The following TRPM2 variants were observed in gnomAD, a reference collection of about 807,000 sequenced individuals.
TRPM2 encodes the protein estrogen-responsive element-associated gene 1 protein.
Under a neutral mutation model 174.0 loss-of-function variants are expected in TRPM2, and 161 were observed. The ratio of observed to expected loss-of-function variants is 0.93; its 90% CI spans 0.81 to 1.05. The LOEUF is 1.05. Ranked by LOEUF, TRPM2 falls within the 50% of genes least tolerant of loss-of-function variation. The probability of loss-of-function intolerance (pLI) is 0.00; values close to 1 mark genes in which losing one functional copy is unlikely to be tolerated. For missense variants in TRPM2, 2,057 were observed against 2,038.0 expected, an observed-to-expected ratio of 1.01 and a Z score of -0.18; for synonymous variants, 954 against 861.3, an observed-to-expected ratio of 1.11 and a Z score of -1.88.
chr21:44,379,322 G>A lies in TRPM2; in HGVS notation c.1215+125G>A. The A allele has an allele frequency of 3.4e-6, 4 of 1,171,786 alleles. No homozygotes were observed. In the South Asian group the frequency reaches 5.7e-5, roughly 17 times the overall value. 72.6% of individuals were successfully genotyped at this position (1,171,786 alleles called of 1,614,324 possible). On this transcript the variant is annotated intron_variant, in intron 8 of 31. Transcript: ENST00000397928. ...ACCCACTGGGTCTGAGTGGGTGCCA[G>A]AGCGATTTGCAGAGGGCAGGGCCCA...
intron 5 of TRPM2, among the ~76,000 whole-genome samples, chr21:44,370,778 C>T (rs1431213355): frequency 1.3e-5 from 2 of 152,216 alleles, no homozygotes; most frequent in African/African-American, 2.4e-5. Context: ...GCTTTGTTTG[C>T]TCTTTTTACG....
intron 16 of TRPM2, among the ~76,000 whole-genome samples, chr21:44,403,567 T>TATGTACACACATACATGCAC (rs2049710532): frequency 6.6e-6 from 1 of 150,492 alleles, no homozygotes; most frequent in Admixed American, 6.6e-5. Context: ...CATACATGCA[T>TATGTACACACATACATGCAC]ATGTACACAC....
intron 15 of TRPM2, among the ~76,000 whole-genome samples, chr21:44,401,174 C>T (rs1569066860): frequency 6.6e-6 from 1 of 152,188 alleles, no homozygotes. Context: ...TGATGGCCGC[C>T]TCTGCTCCCG....
intron 15 of TRPM2, among the ~76,000 whole-genome samples, chr21:44,401,265 G>A (rs1360356517): frequency 2.0e-5 from 3 of 152,210 alleles, no homozygotes; most frequent in Middle Eastern, 3.4e-3. Context: ...CATTGAGGAC[G>A]GCAAGGAAAG....
chr21:44,361,049 T>A (rs1263742410), intron 2 of TRPM2, among the ~76,000 whole-genome samples: 1 of 152,226 alleles, frequency 6.6e-6, no homozygotes, highest in Non-Finnish European at 1.5e-5. Context: ...ATTTCAAGGA[T>A]GTTACGTCAA....
At chr21:44,368,376 G>A (rs770211618) in intron 4 of TRPM2, among the ~76,000 whole-genome samples, 3 of 151,982 alleles carry the variant, frequency 2.0e-5, no homozygotes, top group Non-Finnish European at 4.4e-5. Context: ...CAAAGTGCTG[G>A]GATAACAGGC....
intron 27 of TRPM2, among the ~76,000 whole-genome samples, chr21:44,433,291 G>A (rs1436481564): frequency 6.6e-6 from 1 of 152,240 alleles, no homozygotes; most frequent in Non-Finnish European, 1.5e-5. Flanking sequence ...CTCATGCCAG[G>A]CAGAGCGTGT....
chr21:44,377,828 A>G (rs918346527), intron 7 of TRPM2, 55 bp downstream of exon 7: 3 of 1,595,288 alleles, frequency 1.9e-6, no homozygotes, highest in Non-Finnish European at 2.6e-6. Flanking sequence ...CTGCAGGCAG[A>G]TGACTGTCCA....
chr21:44,436,443 C>T (rs890765153), intron 28 of TRPM2, among the ~76,000 whole-genome samples: 2 of 152,028 alleles, frequency 1.3e-5, no homozygotes, highest in Admixed American at 6.6e-5. Flanking sequence ...TCTCTGCTCC[C>T]CAGTCCTTTG....
rs1382088745 is a variant in TRPM2, at chr21:44,367,283, TGGTGGCCTGAGAACCTC to T, written c.604+359_604+375del. Among the ~76,000 whole-genome samples, 5 of 151,620 alleles carry T rather than the reference TGGTGGCCTGAGAACCTC, an allele frequency of 3.3e-5. No homozygotes were observed. The highest frequency in any genetic ancestry group is 7.4e-5 in the Non-Finnish European group (5 of 67,896). Reference sequence around the variant, plus strand: ...GAGAACCTTGGTGGCCTGGGAATCTTGGTGGCCTGAGAACCTCGGTGGCCTGGGTGCACGGCTGGGGC... The same window carrying T: ...GAGAACCTTGGTGGCCTGGGAATCTTGGTGGCCTGGGTGCACGGCTGGGGC... On this transcript the variant is annotated intron_variant, in intron 4 of 31. Transcript: ENST00000397928. This position sits in a 1 kb window ranked among gnomAD's most constrained non-coding sequence, Gnocchi z 4.6.
chr21:44,380,747 G>A (rs1243394330), intron 8 of TRPM2, among the ~76,000 whole-genome samples: 1 of 152,196 alleles, frequency 6.6e-6, no homozygotes, highest in Non-Finnish European at 1.5e-5. Flanking sequence ...AGAGGGGCCC[G>A]GGGACCTCCC....
In TRPM2 at chr21:44,397,824, C is replaced by A. The variant is rs968624628; in HGVS notation, c.2010C>A (p.Asp670Glu). The change falls in exon 13 of 32, where the codon GAC becomes GAA. Residue 670 changes from aspartate (D) to glutamate (E), a missense_variant. Transcript: ENST00000397928. ...TGTCCAAGGAGGAGGAGGACACGGA[C>A]AGCTCGGAGGAGATGCTGGCGCTGG... is the stretch of plus-strand genomic sequence containing the variant. ...KELSKEEEDTDSSEEMLALAE... is the reference protein window; with the variant it reads ...KELSKEEEDTESSEEMLALAE... The A allele has an allele frequency of 6.2e-7, 1 of 1,608,322 alleles. No individual in the cohort carries two copies. Among genetic ancestry groups the A allele is most frequent in the African/African-American group, 1.3e-5 (1 of 74,816 alleles).
chr21:44,436,721 A>C (rs2051284863), intron 28 of TRPM2, among the ~76,000 whole-genome samples: 1 of 149,750 alleles, frequency 6.7e-6, no homozygotes, highest in Non-Finnish European at 1.5e-5. Context: ...ACCCCACATC[A>C]CCTCACTGGA....
chr21:44,368,151 A>G (rs9982831), intron 4 of TRPM2, among the ~76,000 whole-genome samples: 37,368 of 152,182 alleles, frequency 0.25, 4,897 homozygotes, highest in African/African-American at 0.35. Flanking sequence ...ACAGGGTCTC[A>G]GTCTGTTCCC....
In TRPM2 at chr21:44,438,972, A is replaced by G. The variant is rs1220337561; in HGVS notation, c.4168-95A>G. The G allele has an allele frequency of 9.8e-7, 1 of 1,017,906 alleles. No homozygotes were observed. Among genetic ancestry groups the G allele is most frequent in the Admixed American group, 2.1e-5 (1 of 47,592 alleles). 63.1% of individuals were successfully genotyped at this position (1,017,906 alleles called of 1,614,324 possible). Reference sequence around the variant, plus strand: ...GGCTCCCAGGGCTGGGCCGCTGCCCACGCCGGGCAGGAGGCCAGTGGAGAC... The same window carrying G: ...GGCTCCCAGGGCTGGGCCGCTGCCCGCGCCGGGCAGGAGGCCAGTGGAGAC... On this transcript the variant is annotated intron_variant, in intron 29 of 31. Coordinates refer to ENST00000397928, the MANE Select transcript of TRPM2 (RefSeq NM_003307.4). The surrounding 1 kb of genome is among the most constrained non-coding windows in gnomAD (Gnocchi z 5.9).
chr21:44,424,144 C>T (rs779120705), intron 23 of TRPM2, among the ~76,000 whole-genome samples: 3 of 152,212 alleles, frequency 2.0e-5, no homozygotes, highest in South Asian at 2.1e-4. Flanking sequence ...CCAGCTGGGC[C>T]GGGCTGTGCT....
intron 27 of TRPM2, among the ~76,000 whole-genome samples, chr21:44,428,816 G>C (rs1472298413): frequency 6.7e-6 from 1 of 150,114 alleles, no homozygotes; most frequent in Non-Finnish European, 1.5e-5. Context: ...TCCTCCCTGA[G>C]GTGTGGCTCC....
chr21:44,417,153 T>G (rs1441294830), intron 20 of TRPM2, among the ~76,000 whole-genome samples: 1 of 126,466 alleles, frequency 7.9e-6, no homozygotes, highest in African/African-American at 3.1e-5. Flanking sequence ...AGTGGGCACG[T>G]GGGCGTGGCT....
Position 44,378,801 on chromosome 21 carries a change from C to T in TRPM2, c.1015-196C>T, listed in dbSNP as rs140863419. 7.6e-4 allele frequency among the ~76,000 whole-genome samples: 116 copies of T among 152,362 alleles called. No homozygotes were observed. In the East Asian group the frequency reaches 0.021, roughly 27 times the overall value. On this transcript the variant is annotated intron_variant, in intron 7 of 31. Coordinates refer to ENST00000397928, the MANE Select transcript of TRPM2 (RefSeq NM_003307.4). ...TGAGGCCTGAGAGGTGCCAGGTGTG[C>T]AGCCCCCAGTGTGTTGGGGCAGCTC...
Sources: allele counts gnomAD v4.1 joint callset (sites outside exome capture counted in the v4.1 genomes callset), GRCh38; gene constraint gnomAD v4.1.1; non-coding constraint Gnocchi (gnomAD v3.1); transcripts MANE v1.5; gene names NCBI Gene and HGNC (gene_info 2026-07-23, HGNC 2026-07-21).